HAPLN1: variants seen among roughly 807,000 people sequenced by gnomAD.
The protein encoded by HAPLN1 is Cartilage link protein.
Under a neutral mutation model 36.5 loss-of-function variants are expected in HAPLN1, and 13 were observed. That is an observed-to-expected ratio of 0.36 (90% confidence interval 0.23 to 0.57). HAPLN1 has a LOEUF of 0.57. Among genes scored for constraint, HAPLN1 ranks in the 20% least tolerant of loss-of-function variants. The pLI is 0.83. For missense variants in HAPLN1, 407 were observed against 439.7 expected (o/e 0.93, Z 0.66); for synonymous variants, 202 against 169.8 (o/e 1.19, Z -1.48).
intron 1 of HAPLN1, 132 bp from the exon 2 acceptor site, chr5:83,673,681 G>C: frequency 4.9e-6 from 3 of 606,720 alleles, no homozygotes; most frequent in Non-Finnish European, 8.6e-6. Context: ...TGTTCAGAAA[G>C]TTACTGTAGC....
chr5:83,641,617 C>T lies in HAPLN1; in HGVS notation c.944G>A (p.Arg315His), dbSNP rs1398114560. The T allele has an allele frequency of 6.2e-7, 1 of 1,614,144 alleles. No individual in the cohort carries two copies. The highest frequency in any genetic ancestry group is 8.5e-7 in the Non-Finnish European group (1 of 1,180,032). Residue 315 changes from arginine (R) to histidine (H), a missense_variant, in exon 5 of 5, where the codon CGC (arginine) becomes CAC (histidine). Transcript: ENST00000274341. ...DAGWLADGSVRYPISRPRRRC... is the reference protein window; with the variant it reads ...DAGWLADGSVHYPISRPRRRC... ...CCTTCTTGGCCTAGAGATGGGGTAG[C>T]GGACGCTGCCATCCGCCAACCAGCC...
intron 2 of HAPLN1, among the ~76,000 whole-genome samples, chr5:83,663,356 G>C (rs1054954396): frequency 6.6e-6 from 1 of 152,092 alleles, no homozygotes; most frequent in Admixed American, 6.5e-5. Context: ...AGTGATCAAG[G>C]TTCAGACTCT....
intron 1 of HAPLN1, among the ~76,000 whole-genome samples, chr5:83,714,046 G>C (rs1327411630): frequency 6.6e-6 from 1 of 152,192 alleles, no homozygotes; most frequent in African/African-American, 2.4e-5. Flanking sequence ...GGGTTTGGAG[G>C]TATTCAGACA....
intron 1 of HAPLN1, among the ~76,000 whole-genome samples, chr5:83,704,512 C>T (rs753403296): frequency 7.2e-5 from 11 of 151,882 alleles, no homozygotes; most frequent in African/African-American, 1.2e-4. Context: ...AGAGAGATAC[C>T]TCACACATAA....
At chr5:83,692,670 G>A (rs553100246) in intron 1 of HAPLN1, among the ~76,000 whole-genome samples, 105 of 151,980 alleles carry the variant, frequency 6.9e-4, no homozygotes, top group Middle Eastern at 3.4e-3. Context: ...TGGTAAACTG[G>A]ATTTATGCAA....
intron 3 of HAPLN1, among the ~76,000 whole-genome samples, chr5:83,649,817 T>G (rs1049270761): frequency 7.9e-5 from 12 of 152,250 alleles, no homozygotes; most frequent in African/African-American, 2.9e-4. Context: ...ATTTGAAAGT[T>G]TAAACACTTT....
At chr5:83,720,187 A>G (rs1304053603) in intron 1 of HAPLN1, among the ~76,000 whole-genome samples, 4 of 152,212 alleles carry the variant, frequency 2.6e-5, no homozygotes, top group Admixed American at 2.6e-4. Flanking sequence ...CAGTGCATTC[A>G]AATTATCCAT....
chr5:83,700,928 T>G (rs1336462329), intron 1 of HAPLN1, among the ~76,000 whole-genome samples: 1 of 152,234 alleles, frequency 6.6e-6, no homozygotes, highest in Non-Finnish European at 1.5e-5. Context: ...TCCTTATCTC[T>G]GGTGCACTAG....
intron 2 of HAPLN1, 38 bp downstream of exon 2, chr5:83,673,386 T>A (rs1182504472): frequency 7.1e-7 from 1 of 1,403,442 alleles, no homozygotes; most frequent in East Asian, 2.3e-5. Context: ...TAACTTAAAA[T>A]TAATTAGGCT....
At chr5:83,705,663 A>T (rs907854980) in intron 1 of HAPLN1, among the ~76,000 whole-genome samples, 7 of 152,168 alleles carry the variant, frequency 4.6e-5, no homozygotes, top group Middle Eastern at 3.2e-3. Context: ...CAACTGAAAG[A>T]ATTAGGGAAG....
At chr5:83,695,241 T>C (rs1751366241) in intron 1 of HAPLN1, among the ~76,000 whole-genome samples, 1 of 152,160 alleles carries the variant, frequency 6.6e-6, no homozygotes, top group South Asian at 2.1e-4. Context: ...TTCTCCTGCC[T>C]CAGCCTCCCG....
Position 83,713,498 on chromosome 5 carries a change from T to A in HAPLN1, c.-27+7291A>T, listed in dbSNP as rs538982383. 2.6e-5 allele frequency among the ~76,000 whole-genome samples: 4 copies of A among 152,312 alleles called. No individual in the cohort carries two copies. In the East Asian group the frequency reaches 5.8e-4, roughly 22 times the overall value. Reference sequence around the variant, plus strand: ...TCTTGGTTAACTGCTTCTCCCTTAGTATATCCCTGGGATGATCGATCCCTT... The same window carrying A: ...TCTTGGTTAACTGCTTCTCCCTTAGAATATCCCTGGGATGATCGATCCCTT... On this transcript the variant is annotated intron_variant, in intron 1 of 4. Coordinates refer to ENST00000274341, the MANE Select transcript of HAPLN1 (RefSeq NM_001884.4).
At chr5:83,701,763 C>A (rs1751512253) in intron 1 of HAPLN1, among the ~76,000 whole-genome samples, 2 of 152,128 alleles carry the variant, frequency 1.3e-5, no homozygotes. Flanking sequence ...CACGGTGAAA[C>A]CCCGTCTCTA....
chr5:83,699,609 T>TA lies in HAPLN1; in HGVS notation c.-27+21179dup, dbSNP rs1164149035. ...CAATTGTGTATCAGAGCCCAGATGATAAAAAAGGTTTTACCACCCATTCAG... is the reference window on the plus strand; with the variant it reads ...CAATTGTGTATCAGAGCCCAGATGATAAAAAAAGGTTTTACCACCCATTCAG... On this transcript the variant is annotated intron_variant, in intron 1 of 4. Transcript: ENST00000274341. Among the ~76,000 whole-genome samples the TA allele has an allele frequency of 2.0e-5, 3 of 152,210 alleles. No individual in the cohort carries two copies. The East Asian group carries it at 5.8e-4, about 29-fold the overall frequency.
chr5:83,649,970 G>T (rs1302244695), intron 3 of HAPLN1, among the ~76,000 whole-genome samples: 1 of 152,174 alleles, frequency 6.6e-6, no homozygotes, highest in African/African-American at 2.4e-5. Flanking sequence ...GAGCTATAAT[G>T]GAAGTCTACA....
At chr5:83,645,099 G>A (rs997110080) in intron 3 of HAPLN1, among the ~76,000 whole-genome samples, 3 of 151,086 alleles carry the variant, frequency 2.0e-5, no homozygotes, top group Non-Finnish European at 4.4e-5. Context: ...AATAGTCATT[G>A]TTGAATACTA....
chr5:83,640,752 C>G lies in HAPLN1; in HGVS notation c.*744G>C, dbSNP rs1230826308. 6.6e-6 allele frequency: 1 copy of G among 152,064 alleles called. No individual in the cohort carries two copies. Among genetic ancestry groups the G allele is most frequent in the African/African-American group, 2.4e-5 (1 of 41,410 alleles). 9.4% of individuals were successfully genotyped at this position (152,064 alleles called of 1,614,324 possible). On this transcript the variant is annotated 3_prime_UTR_variant, in exon 5 of 5. Coordinates refer to ENST00000274341, the MANE Select transcript of HAPLN1 (RefSeq NM_001884.4). ...CGGTAAAGCTACTCAAAAGATAAAA[C>G]AATTCCTCTTAGACATGTGTAATTT...
chr5:83,698,005 C>T (rs559887001), intron 1 of HAPLN1, among the ~76,000 whole-genome samples: 5 of 151,852 alleles, frequency 3.3e-5, no homozygotes, highest in Admixed American at 3.3e-4. Flanking sequence ...TGATATTGTC[C>T]TTTGAAGTAC....
At chr5:83,648,479 A>G (rs1749950203) in intron 3 of HAPLN1, among the ~76,000 whole-genome samples, 1 of 144,882 alleles carries the variant, frequency 6.9e-6, no homozygotes, top group Middle Eastern at 3.6e-3. Context: ...TAGTTTGGAT[A>G]TATATATGGC....
Sources: gnomAD v4.1 joint callset for allele counts (sites outside exome capture counted in the v4.1 genomes callset) on GRCh38, gnomAD v4.1.1 for gene constraint, MANE v1.5 for transcripts, NCBI Gene and HGNC (gene_info 2026-07-23, HGNC 2026-07-21) for gene names.